SCMH1: variants seen among roughly 807,000 people sequenced by gnomAD.
SCMH1 encodes polycomb protein SCMH1.
Under a neutral mutation model 70.8 loss-of-function variants are expected in SCMH1, and 37 were observed. That is an observed-to-expected ratio of 0.52 (90% CI 0.40 to 0.69). SCMH1 has a LOEUF of 0.69. Among genes scored for constraint, SCMH1 ranks in the 30% least tolerant of loss-of-function variants. SCMH1 has a pLI of 0.00. For synonymous variants in SCMH1, 292 were observed against 307.4 expected, an observed-to-expected ratio of 0.95 and a Z score of 0.52; for missense variants, 607 against 827.3, an observed-to-expected ratio of 0.73 and a Z score of 3.27.
chr1:41,130,175 G>GT (rs1674288191), intron 6 of SCMH1, among the ~76,000 whole-genome samples: 1 of 152,070 alleles, frequency 6.6e-6, no homozygotes, highest in Non-Finnish European at 1.5e-5. Context: ...TTTGAAATGG[G>GT]TTTTTTGTTG....
chr1:41,124,060 AT>A lies in SCMH1; in HGVS notation c.413-7051del, dbSNP rs149155673. On this transcript the variant is annotated intron_variant, in intron 6 of 14. Transcript: ENST00000337495. ...TGTACAATTATATATAAATAATTTTATTTTTTTAATTTTATTTTGAAAAGTT... is the reference window on the plus strand; with the variant it reads ...TGTACAATTATATATAAATAATTTTATTTTTTAATTTTATTTTGAAAAGTT... Among the ~76,000 whole-genome samples the A allele has an allele frequency of 1.6e-3, 246 of 152,126 alleles. 7 individuals carry two copies. The East Asian group carries it at 0.025, about 16-fold the overall frequency.
At chr1:41,087,678 C>T (rs1400670586) in intron 8 of SCMH1, among the ~76,000 whole-genome samples, 1 of 151,894 alleles carries the variant, frequency 6.6e-6, no homozygotes, top group Non-Finnish European at 1.5e-5. Flanking sequence ...GTTGGTGAGG[C>T]TACGGGAAAA....
intron 8 of SCMH1, among the ~76,000 whole-genome samples, chr1:41,076,403 A>C (rs893271836): frequency 6.6e-6 from 1 of 152,190 alleles, no homozygotes; most frequent in African/African-American, 2.4e-5. Flanking sequence ...AGGGATATCT[A>C]AGACATCCTA....
At chr1:41,174,967 T>C (rs1000123488) in intron 2 of SCMH1, among the ~76,000 whole-genome samples, 2 of 152,230 alleles carry the variant, frequency 1.3e-5, no homozygotes, top group African/African-American at 4.8e-5. Flanking sequence ...AATGACCTTG[T>C]TACTGTCTTC....
intron 10 of SCMH1, among the ~76,000 whole-genome samples, chr1:41,065,413 T>G (rs2148838036): frequency 6.6e-6 from 1 of 151,974 alleles, no homozygotes; most frequent in East Asian, 1.9e-4. Context: ...GAGGCTGCAG[T>G]GAGCTGTAAC....
chr1:41,101,098 G>GA (rs1035328397), intron 8 of SCMH1, among the ~76,000 whole-genome samples: 1 of 151,710 alleles, frequency 6.6e-6, no homozygotes, highest in Admixed American at 6.6e-5. Context: ...AAATAGCGGG[G>GA]AAAAAAAGAC....
chr1:41,240,144 T>C (rs1476328274), intron 1 of SCMH1, among the ~76,000 whole-genome samples: 2 of 152,188 alleles, frequency 1.3e-5, no homozygotes, highest in Non-Finnish European at 2.9e-5. Flanking sequence ...AATCAAAACT[T>C]GACATATGTG....
chr1:41,123,872 C>T (rs1672533193), intron 6 of SCMH1, among the ~76,000 whole-genome samples: 1 of 152,156 alleles, frequency 6.6e-6, no homozygotes, highest in Non-Finnish European at 1.5e-5. Flanking sequence ...GAAAAGGATG[C>T]TCTTCCAGAG....
Position 41,108,744 on chromosome 1 carries a change from A to G in SCMH1, c.745+4539T>C, listed in dbSNP as rs140958722. ...GCAGAGATAGGTGATAGGTGAGCTG[A>G]TGAACCTAAAATCATGTAGGAGACA... On this transcript the variant is annotated intron_variant, in intron 8 of 14. Coordinates refer to ENST00000337495, the Ensembl canonical transcript of SCMH1. Among the ~76,000 whole-genome samples the G allele has an allele frequency of 4.7e-4, 71 of 152,338 alleles. No individual in the cohort carries two copies. The East Asian group carries it at 0.013, about 29-fold the overall frequency.
chr1:41,133,175 C>CTT (rs1362622606), intron 6 of SCMH1, among the ~76,000 whole-genome samples: 92 of 152,270 alleles, frequency 6.0e-4, no homozygotes, highest in African/African-American at 2.0e-3. Context: ...TATCCGTGAG[C>CTT]GTGGAATGTT....
At chr1:41,130,423 G>A (rs1184408798) in intron 6 of SCMH1, among the ~76,000 whole-genome samples, 1 of 151,920 alleles carries the variant, frequency 6.6e-6, no homozygotes, top group Non-Finnish European at 1.5e-5. Flanking sequence ...TTTGTTGCCT[G>A]TGCTTTTGGT....
intron 2 of SCMH1, chr1:41,163,122 T>C (rs1439569941): frequency 6.6e-6 from 1 of 152,244 alleles, no homozygotes; most frequent in Non-Finnish European, 1.5e-5. Context: ...TCCGGCCCTG[T>C]GGTTCCTCCA....
At chr1:41,060,641 T>A (rs1440810783) in intron 10 of SCMH1, among the ~76,000 whole-genome samples, 1 of 152,034 alleles carries the variant, frequency 6.6e-6, no homozygotes, top group Non-Finnish European at 1.5e-5. Flanking sequence ...TATGACCTTT[T>A]TTTAAATTTC....
chr1:41,094,666 G>A (rs954516132), intron 8 of SCMH1, among the ~76,000 whole-genome samples: 1 of 152,118 alleles, frequency 6.6e-6, no homozygotes, highest in Non-Finnish European at 1.5e-5. Flanking sequence ...GAGACTGGTA[G>A]ATCACCTGAG....
At chr1:41,053,837 T>A (rs552780677) in intron 10 of SCMH1, among the ~76,000 whole-genome samples, 1 of 151,878 alleles carries the variant, frequency 6.6e-6, no homozygotes, top group Non-Finnish European at 1.5e-5. Context: ...AAAGGTTTTT[T>A]TTTTGTTTTG....
intron 6 of SCMH1, among the ~76,000 whole-genome samples, chr1:41,127,687 T>C (rs72663788): frequency 0.082 from 12,505 of 152,072 alleles, 702 homozygotes; most frequent in South Asian, 0.15. Context: ...AGAGACAGGG[T>C]TGTTAGGAGA....
intron 10 of SCMH1, among the ~76,000 whole-genome samples, chr1:41,069,947 TAGA>T (rs1278182688): frequency 6.6e-6 from 1 of 152,202 alleles, no homozygotes. Context: ...TAAGACTTCC[TAGA>T]AGAAGATGGA....
intron 6 of SCMH1, among the ~76,000 whole-genome samples, chr1:41,127,366 C>T (rs566540509): frequency 9.6e-4 from 146 of 152,086 alleles, no homozygotes; most frequent in African/African-American, 3.3e-3. Flanking sequence ...TCAAATTTGT[C>T]GGTCTATCTA....
At position 41,048,857 on chromosome 1, in the gene SCMH1, CCTGTG is replaced by C; in HGVS notation, c.1134_1138del (p.Ser378ArgfsTer6). 1 of 1,614,048 alleles carries C rather than the reference CCTGTG, an allele frequency of 6.2e-7. No homozygotes were observed. The highest frequency in any genetic ancestry group is 8.5e-7 in the Non-Finnish European group (1 of 1,179,990). On this transcript the variant is annotated frameshift_variant, in exon 11 of 15. Coordinates refer to ENST00000337495, the Ensembl canonical transcript of SCMH1. LOFTEE classifies it high-confidence loss of function. ...GACCTTCTTCTTATCTAAGTGGGGGCCTGTGCTGCCATTCTTGTTCAAGTAGATAC... is the reference window on the plus strand; with the variant it reads ...GACCTTCTTCTTATCTAAGTGGGGGCCTGCCATTCTTGTTCAAGTAGATAC...
Sources: allele counts gnomAD v4.1 joint callset (sites outside exome capture counted in the v4.1 genomes callset), GRCh38; gene constraint gnomAD v4.1.1; transcripts MANE v1.5; gene names NCBI Gene and HGNC (gene_info 2026-07-23, HGNC 2026-07-21).